The following ERLIN2 variants were observed in gnomAD, a reference collection of about 807,000 sequenced individuals.
The protein encoded by ERLIN2 is ER lipid raft associated 2.
In ERLIN2, 22 loss-of-function variants were observed where a neutral mutation model predicts 41.5. The ratio of observed to expected loss-of-function variants is 0.53; its 90% CI spans 0.38 to 0.76. The LOEUF (loss-of-function observed/expected upper bound fraction) is 0.76, where lower values mean the gene tolerates loss of function less well. Ranked by LOEUF, ERLIN2 falls within the 30% of genes least tolerant of loss-of-function variation. The probability of loss-of-function intolerance (pLI) is 0.00; values close to 1 mark genes in which losing one functional copy is unlikely to be tolerated. For missense variants in ERLIN2, 247 were observed against 414.3 expected (o/e 0.60, Z 3.51); for synonymous variants, 149 against 150.9 (o/e 0.99, Z 0.09).
intron 9 of ERLIN2, 65 bp from the exon 10 acceptor site, chr8:37,751,561 G>C (rs1803218366): frequency 7.1e-7 from 1 of 1,411,152 alleles, no homozygotes; most frequent in South Asian, 1.2e-5. Flanking sequence ...CTCAGCTCGG[G>C]TGAAAGGTGA....
chr8:37,746,020 C>T, intron 6 of ERLIN2: 2 of 1,009,344 alleles, frequency 2.0e-6, no homozygotes, highest in Non-Finnish European at 2.4e-6. Flanking sequence ...AAACTTCTTA[C>T]TTTCTTACAG....
At chr8:37,752,980 G>A (rs1294413130) in intron 10 of ERLIN2, among the ~76,000 whole-genome samples, 3 of 152,184 alleles carry the variant, frequency 2.0e-5, no homozygotes, top group Non-Finnish European at 2.9e-5. Flanking sequence ...AGGGTGGATC[G>A]ACCTCTGACC....
chr8:37,749,474 A>G lies in ERLIN2; in HGVS notation c.425-85A>G, dbSNP rs1368879221. 5.5e-6 allele frequency: 5 copies of G among 902,318 alleles called. No individual in the cohort carries two copies. In the Admixed American group the frequency reaches 8.6e-5, roughly 15 times the overall value. The allele number at this position is 902,318 out of a possible 1,614,324, so 55.9% of individuals were successfully genotyped here. On this transcript the variant is annotated intron_variant, in intron 6 of 11. Coordinates refer to ENST00000519638, the MANE Select transcript of ERLIN2 (RefSeq NM_007175.8). ...GGGAAAGTACATTCTTGAGCTGGTG[A>G]TTGAGCTTGCACTTTACCTCATCCT... is the stretch of plus-strand genomic sequence containing the variant.
rs1156893353 is a variant in ERLIN2 at position 37,755,321 on chromosome 8, A to C, written c.*1206A>C. 1 of 152,232 alleles carries C rather than the reference A, an allele frequency of 6.6e-6. No individual in the cohort carries two copies. Among genetic ancestry groups the C allele is most frequent in the Non-Finnish European group, 1.5e-5 (1 of 68,042 alleles). The allele number at this position is 152,232 out of a possible 1,614,324, so 9.4% of individuals were successfully genotyped here. On this transcript the variant is annotated 3_prime_UTR_variant, in exon 12 of 12. Coordinates refer to ENST00000519638, the MANE Select transcript of ERLIN2 (RefSeq NM_007175.8). ...TCAAAGGGTTTTCTTTTTCATTACT[A>C]GGTCAGAACATTTTGAGTCACCTTG...
At chr8:37,746,700 T>G in intron 6 of ERLIN2, 1 of 211,922 alleles carries the variant, frequency 4.7e-6, no homozygotes, top group Non-Finnish European at 8.2e-6. Context: ...TGAGCTGTCT[T>G]ACCCGCTCAC....
chr8:37,753,615 A>AC, intron 11 of ERLIN2, 86 bp downstream of exon 11: 1 of 1,237,934 alleles, frequency 8.1e-7, no homozygotes, highest in Non-Finnish European at 1.2e-6. Flanking sequence ...AGCGCCTGCC[A>AC]CCACCCAAAG....
intron 4 of ERLIN2, among the ~76,000 whole-genome samples, chr8:37,743,399 C>T (rs911570215): frequency 3.3e-5 from 5 of 152,174 alleles, no homozygotes; most frequent in Non-Finnish European, 5.9e-5. Context: ...AGGTGACCAC[C>T]TTTTTGTCAC....
chr8:37,747,321 A>G (rs1323212986), intron 6 of ERLIN2: 1 of 1,096,138 alleles, frequency 9.1e-7, no homozygotes, highest in African/African-American at 1.5e-5. Flanking sequence ...TCTAGGGCTC[A>G]GAAAAAAAGC....
chr8:37,750,279 C>T (rs1177713150), intron 8 of ERLIN2, 116 bp from the exon 9 acceptor site: 2 of 792,426 alleles, frequency 2.5e-6, no homozygotes, highest in East Asian at 2.7e-5. Flanking sequence ...AACAGCCTTC[C>T]AGGAGGAGTA....
At chr8:37,745,030 A>C in intron 6 of ERLIN2, 1 of 591,694 alleles carries the variant, frequency 1.7e-6, no homozygotes, top group Admixed American at 3.0e-5. Flanking sequence ...CCATTCTAGA[A>C]GAACCTTAGA....
intron 6 of ERLIN2, chr8:37,746,248 G>A (rs1803045168): frequency 1.0e-6 from 1 of 985,392 alleles, no homozygotes; most frequent in South Asian, 4.7e-5. Flanking sequence ...GACTCTTATA[G>A]CCCAGACTTT....
At chr8:37,736,939 G>C (rs1291582332) in intron 1 of ERLIN2, 2 of 985,844 alleles carry the variant, frequency 2.0e-6, no homozygotes, top group East Asian at 2.3e-4. Flanking sequence ...GGGCGCGAGT[G>C]ACCTCGGGGA....
Position 37,747,606 on chromosome 8 carries a change from A to G in ERLIN2, c.425-1953A>G, listed in dbSNP as rs764207734. On this transcript the variant is annotated intron_variant, in intron 6 of 11. Coordinates refer to ENST00000519638, the MANE Select transcript of ERLIN2 (RefSeq NM_007175.8). ...CCTTCTTAGGAGGCTCTTGTTTCTGAGTATATATGTTCGTTTTCCCAAAGC... is the reference window on the plus strand; with the variant it reads ...CCTTCTTAGGAGGCTCTTGTTTCTGGGTATATATGTTCGTTTTCCCAAAGC... The G allele has an allele frequency of 1.9e-6, 3 of 1,611,770 alleles. No homozygotes were observed. In the African/African-American group the frequency reaches 4.0e-5, roughly 21 times the overall value.
rs991892174 is a variant in ERLIN2 at position 37,755,112 on chromosome 8, C to G, written c.*997C>G. 2.0e-5 allele frequency: 3 copies of G among 152,282 alleles called. No individual in the cohort carries two copies. Among genetic ancestry groups the G allele is most frequent in the African/African-American group, 7.2e-5 (3 of 41,452 alleles). 9.4% of individuals were successfully genotyped at this position (152,282 alleles called of 1,614,324 possible). On this transcript the variant is annotated 3_prime_UTR_variant, in exon 12 of 12. Transcript: ENST00000519638. ...CTGGTCTTAATGCCTGTGGCTTGTGCTGGGAGTGGGTCTGACTTAGTGATA... is the reference window on the plus strand; with the variant it reads ...CTGGTCTTAATGCCTGTGGCTTGTGGTGGGAGTGGGTCTGACTTAGTGATA...
intron 6 of ERLIN2, chr8:37,746,089 T>C: frequency 1.0e-6 from 1 of 993,398 alleles, no homozygotes; most frequent in South Asian, 4.5e-5. Flanking sequence ...GGGAAATATA[T>C]TTGCTTTGAA....
At position 37,755,555 on chromosome 8, in the gene ERLIN2, ACCCCCCACCCCCCAC is replaced by A. The variant is rs1585920764; in HGVS notation, c.*1447_*1461del. 7.7e-4 allele frequency: 48 copies of A among 62,424 alleles called. No homozygotes were observed. Among genetic ancestry groups the A allele is most frequent in the East Asian group, 2.0e-3 (3 of 1,508 alleles). The allele number at this position is 62,424 out of a possible 1,614,324, so 3.9% of individuals were successfully genotyped here. ...TTGGCCCTGTTATGAGCTGACCCCCACCCCCCACCCCCCACCCCCCCCCCCCGCCAACTCCTATAC... is the reference window on the plus strand; with the variant it reads ...TTGGCCCTGTTATGAGCTGACCCCCACCCCCCCCCCCGCCAACTCCTATAC... On this transcript the variant is annotated 3_prime_UTR_variant, in exon 12 of 12. Coordinates refer to ENST00000519638, the MANE Select transcript of ERLIN2 (RefSeq NM_007175.8).
intron 6 of ERLIN2, chr8:37,747,403 T>TTGG (rs1291475465): frequency 1.3e-6 from 2 of 1,579,192 alleles, no homozygotes; most frequent in Admixed American, 3.3e-5. Context: ...TTCAGCCAGC[T>TTGG]CTTGCAGTGG....
intron 10 of ERLIN2, 129 bp downstream of exon 10, chr8:37,751,844 T>G (rs1221273977): frequency 2.7e-6 from 2 of 749,976 alleles, no homozygotes; most frequent in African/African-American, 3.4e-5. Context: ...AACAGCAGCT[T>G]TTCTCCATGT....
chr8:37,742,993 G>A (rs193216890), intron 4 of ERLIN2, among the ~76,000 whole-genome samples: 15 of 152,254 alleles, frequency 9.9e-5, no homozygotes, highest in Non-Finnish European at 7.4e-5. Flanking sequence ...CTGCTACAGC[G>A]GTCCCACTGG....
Sources: allele counts gnomAD v4.1 joint callset (sites outside exome capture counted in the v4.1 genomes callset), GRCh38; gene constraint gnomAD v4.1.1; transcripts MANE v1.5; gene names NCBI Gene and HGNC (gene_info 2026-07-23, HGNC 2026-07-21).